The following SYNE1 variants were observed in gnomAD, a reference collection of about 807,000 sequenced individuals.
SYNE1 encodes the protein spectrin repeat containing nuclear envelope protein 1, also known as nesprin-1.
Under a neutral mutation model 1,111.0 loss-of-function variants are expected in SYNE1, and 616 were observed. The observed-to-expected ratio is 0.55, with a 90% CI of 0.52 to 0.59. The LOEUF (loss-of-function observed/expected upper bound fraction) is 0.59, where lower values mean the gene tolerates loss of function less well. SYNE1 is among the 20% of genes least tolerant of loss of function. The pLI is 0.00. For missense variants in SYNE1, 10,006 were observed against 10,417.0 expected (o/e 0.96, Z 1.72); for synonymous variants, 3,855 against 3,825.8 (o/e 1.01, Z -0.28).
At chr6:152,170,926 T>C (rs6905193) in intron 130 of SYNE1, among the ~76,000 whole-genome samples, 12,433 of 152,210 alleles carry the variant, frequency 0.082, 656 homozygotes, top group African/African-American at 0.16. Context: ...CAGACTGTTC[T>C]TGTGGTAGCG....
chr6:152,481,605 A>T (rs2098900224), intron 14 of SYNE1: 1 of 442,404 alleles, frequency 2.3e-6, no homozygotes. Context: ...AATAGTTTCA[A>T]TTAAGTTTTC....
chr6:152,423,479 C>T (rs1459015260), intron 39 of SYNE1, among the ~76,000 whole-genome samples: 1 of 152,222 alleles, frequency 6.6e-6, no homozygotes, highest in East Asian at 1.9e-4. Flanking sequence ...ACTCTGCACT[C>T]TTCTCTCCAT....
intron 128 of SYNE1, among the ~76,000 whole-genome samples, chr6:152,183,405 AGCCGG>A (rs2068702301): frequency 6.6e-6 from 1 of 152,114 alleles, no homozygotes; most frequent in African/African-American, 2.4e-5. Flanking sequence ...GTTCAAGACC[AGCCGG>A]GCCAACATAG....
intron 91 of SYNE1, among the ~76,000 whole-genome samples, chr6:152,306,587 T>C (rs1467799397): frequency 6.6e-6 from 1 of 151,518 alleles, no homozygotes; most frequent in East Asian, 1.9e-4. Context: ...TTAAAAAACA[T>C]AAAGCTGGCT....
intron 124 of SYNE1, among the ~76,000 whole-genome samples, chr6:152,209,433 G>A (rs571857127): frequency 2.0e-5 from 3 of 152,174 alleles, no homozygotes; most frequent in African/African-American, 4.8e-5. Context: ...AAAAAATTTC[G>A]TATGCCCTCT....
intron 59 of SYNE1, among the ~76,000 whole-genome samples, chr6:152,369,929 A>T (rs1190880079): frequency 7.2e-6 from 1 of 139,328 alleles, no homozygotes; most frequent in African/African-American, 2.7e-5. Flanking sequence ...GTTGCAGTGA[A>T]CTGAGATCAT....
chr6:152,195,649 A>G (rs1431666861), intron 127 of SYNE1, among the ~76,000 whole-genome samples: 1 of 152,208 alleles, frequency 6.6e-6, no homozygotes, highest in Admixed American at 6.5e-5. Flanking sequence ...ATTTTCTCCC[A>G]AACAAACAGC....
chr6:152,297,416 C>T (rs758880928), intron 93 of SYNE1, among the ~76,000 whole-genome samples: 27 of 152,238 alleles, frequency 1.8e-4, no homozygotes, highest in Admixed American at 8.5e-4. Flanking sequence ...GTACTGCCCT[C>T]GGCCACACTA....
intron 98 of SYNE1, among the ~76,000 whole-genome samples, chr6:152,270,406 C>G (rs1342378753): frequency 3.3e-5 from 5 of 152,134 alleles, no homozygotes; most frequent in Admixed American, 2.6e-4. Flanking sequence ...CCTCCATCAC[C>G]ATCACCAGAA....
At chr6:152,467,977 TTAAAA>T (rs2098781469) in intron 16 of SYNE1, among the ~76,000 whole-genome samples, 1 of 152,154 alleles carries the variant, frequency 6.6e-6, no homozygotes, top group African/African-American at 2.4e-5. Context: ...AAATGCATGT[TTAAAA>T]TAATAATAAC....
Position 152,234,648 on chromosome 6 carries a change from C to T in SYNE1, c.20529+20G>A. The T allele has an allele frequency of 6.2e-7, 1 of 1,614,084 alleles. No individual in the cohort carries two copies. The highest frequency in any genetic ancestry group is 8.5e-7 in the Non-Finnish European group (1 of 1,179,998). On this transcript the variant is annotated intron_variant, in intron 111 of 145. Transcript: ENST00000367255. ...CTAACTTATAGGCCTGAATCAAATG[C>T]TTTAGATTCTTAGACTTACCAGGAA...
chr6:152,496,962 T>G (rs1270734721), intron 11 of SYNE1, among the ~76,000 whole-genome samples: 3 of 152,054 alleles, frequency 2.0e-5, no homozygotes, highest in Non-Finnish European at 2.9e-5. Context: ...ACCGAGCACC[T>G]TGTAACACCT....
At chr6:152,628,952 C>T (rs375221184) in intron 2 of SYNE1, among the ~76,000 whole-genome samples, 1 of 152,144 alleles carries the variant, frequency 6.6e-6, no homozygotes, top group African/African-American at 2.4e-5. Context: ...ACATGTTTTG[C>T]TCTGTTGCGT....
At chr6:152,250,981 G>A (rs2089022284) in intron 104 of SYNE1, among the ~76,000 whole-genome samples, 1 of 152,148 alleles carries the variant, frequency 6.6e-6, no homozygotes, top group South Asian at 2.1e-4. Context: ...ACAGAGTCTT[G>A]CTCTGTCACC....
chr6:152,459,916 T>G (rs1434174179), intron 21 of SYNE1, among the ~76,000 whole-genome samples: 2 of 152,232 alleles, frequency 1.3e-5, no homozygotes, highest in Non-Finnish European at 2.9e-5. Flanking sequence ...TTTTATGTTC[T>G]AGGATATACT....
intron 100 of SYNE1, among the ~76,000 whole-genome samples, chr6:152,263,041 G>GTAGTACAGGGCCTGGGAAGT (rs2092247731): frequency 1.3e-5 from 2 of 151,410 alleles, no homozygotes; most frequent in African/African-American, 4.9e-5. Flanking sequence ...GCCTGGGAAG[G>GTAGTACAGGGCCTGGGAAGT]TAGTACAGGA....
chr6:152,385,357 A>C (rs1366707214), intron 55 of SYNE1, among the ~76,000 whole-genome samples: 1 of 152,180 alleles, frequency 6.6e-6, no homozygotes, highest in Non-Finnish European at 1.5e-5. Flanking sequence ...TTACTATATA[A>C]ACTTTTCTTC....
chr6:152,131,584 C>A (rs944825361), intron 144 of SYNE1, among the ~76,000 whole-genome samples: 2 of 152,134 alleles, frequency 1.3e-5, no homozygotes, highest in Non-Finnish European at 2.9e-5. Flanking sequence ...TGAGGCAGCC[C>A]CCGCCAAGGC....
intron 14 of SYNE1, among the ~76,000 whole-genome samples, chr6:152,477,585 C>T (rs1389865091): frequency 6.6e-6 from 1 of 152,152 alleles, no homozygotes; most frequent in Non-Finnish European, 1.5e-5. Context: ...CCTAATATCC[C>T]ATGTCCTTTT....
Sources: gnomAD v4.1 joint callset for allele counts (sites outside exome capture counted in the v4.1 genomes callset) on GRCh38, gnomAD v4.1.1 for gene constraint, MANE v1.5 for transcripts, NCBI Gene and HGNC (gene_info 2026-07-23, HGNC 2026-07-21) for gene names.